CHST6: variants seen among roughly 807,000 people sequenced by gnomAD.
CHST6 encodes the protein carbohydrate sulfotransferase 6.
For missense variants in CHST6, 698 were observed against 586.2 expected, an observed-to-expected ratio of 1.19 and a Z score of -1.97; for synonymous variants, 309 against 276.4, an observed-to-expected ratio of 1.12 and a Z score of -1.17.
chr16:75,474,649 A>G lies in CHST6; in HGVS notation c.*3992T>C, dbSNP rs8063344. ...CTGGGAAGCCCAAGATCAAGGAGCC[A>G]GCATCTAGCGAGAGCCTTCTTGCTG... On this transcript the variant is annotated 3_prime_UTR_variant, in exon 3 of 3. Transcript: ENST00000332272. The G allele has an allele frequency of 0.014, 5,509 of 398,936 alleles. 224 individuals carry two copies. Among genetic ancestry groups the G allele is most frequent in the African/African-American group, 0.091 (4,426 of 48,734 alleles). The allele number at this position is 398,936 out of a possible 1,614,324, so 24.7% of individuals were successfully genotyped here.
At chr16:75,494,319 T>A (rs2080287412) in intron 1 of CHST6, among the ~76,000 whole-genome samples, 1 of 152,072 alleles carries the variant, frequency 6.6e-6, no homozygotes, top group African/African-American at 2.4e-5. Flanking sequence ...CAGCCCCAGC[T>A]CCCGGAGCAG....
chr16:75,487,060 G>A (rs964703231), intron 1 of CHST6, among the ~76,000 whole-genome samples: 1 of 152,204 alleles, frequency 6.6e-6, no homozygotes, highest in African/African-American at 2.4e-5. Flanking sequence ...CAAATGAGTA[G>A]AGGACATGAA....
intron 1 of CHST6, among the ~76,000 whole-genome samples, chr16:75,491,190 A>AAAAAAAAAAAT (rs1206595857): frequency 2.0e-5 from 1 of 50,076 alleles, no homozygotes; most frequent in Non-Finnish European, 3.0e-5. Context: ...AAAAAAAAAA[A>AAAAAAAAAAAT]ATATATATAT....
chr16:75,481,136 TGTG>T (rs2080137415), intron 2 of CHST6, among the ~76,000 whole-genome samples: 1 of 148,842 alleles, frequency 6.7e-6, no homozygotes, highest in South Asian at 2.2e-4. Context: ...GAAAGCCAGG[TGTG>T]GTGGAGTGCG....
rs1467059506 is a variant in CHST6, at chr16:75,475,564, G to A, written c.*3077C>T. The A allele has an allele frequency of 1.3e-5, 2 of 152,184 alleles. No homozygotes were observed. Among genetic ancestry groups the A allele is most frequent in the Admixed American group, 6.5e-5 (1 of 15,270 alleles). 9.4% of individuals were successfully genotyped at this position (152,184 alleles called of 1,614,324 possible). ...ACTCTCACAGAGATATAAGACATAC[G>A]TGATCAGCACAAGTATGTACCTACC... On this transcript the variant is annotated 3_prime_UTR_variant, in exon 3 of 3. Transcript: ENST00000332272.
Position 75,477,633 on chromosome 16 carries a change from C to T in CHST6, c.*1008G>A, listed in dbSNP as rs774859171. 4 of 152,332 alleles carry T rather than the reference C, an allele frequency of 2.6e-5. No individual in the cohort carries two copies. Among genetic ancestry groups the T allele is most frequent in the African/African-American group, 4.8e-5 (2 of 41,448 alleles). 9.4% of individuals were successfully genotyped at this position (152,332 alleles called of 1,614,324 possible). A position where few individuals can be genotyped will look rare whatever the true frequency, so the allele number is the denominator to read the frequency against. Reference sequence around the variant, plus strand: ...CATTTCCTGAGCTCGGGACTAAACCCTCTACACATCCAGCATTCCTTTACT... The same window carrying T: ...CATTTCCTGAGCTCGGGACTAAACCTTCTACACATCCAGCATTCCTTTACT... On this transcript the variant is annotated 3_prime_UTR_variant, in exon 3 of 3. Transcript: ENST00000332272.
chr16:75,477,063 T>C lies in CHST6; in HGVS notation c.*1578A>G, dbSNP rs1382597244. On this transcript the variant is annotated 3_prime_UTR_variant, in exon 3 of 3. Transcript: ENST00000332272. ...CCAGCCAAGTTACCCACTCTTAAGG[T>C]ATTTTGTTATAACCACCTGAACAAG... The C allele has an allele frequency of 6.6e-6, 1 of 152,198 alleles. No homozygotes were observed. Among genetic ancestry groups the C allele is most frequent in the Non-Finnish European group, 1.5e-5 (1 of 68,046 alleles). 9.4% of individuals were successfully genotyped at this position (152,198 alleles called of 1,614,324 possible).
At position 75,478,992 on chromosome 16, in the gene CHST6, C is replaced by T; in HGVS notation, c.837G>A (p.Glu279=). The part of the protein sequence containing the change: ...RLVRFEDLAR[E]PLAEIRALYA... ...AGAGCGCACGGATTTCTGCCAGCGG[C>T]TCCCGCGCCAGGTCCTCGAAGCGCA... The change falls in exon 3 of 3, where the codon GAG becomes GAA. Residue 279 remains glutamate, a synonymous_variant. Coordinates refer to ENST00000332272, the MANE Select transcript of CHST6 (RefSeq NM_021615.5). The T allele has an allele frequency of 6.2e-7, 1 of 1,612,498 alleles. No individual in the cohort carries two copies. Among genetic ancestry groups the T allele is most frequent in the Non-Finnish European group, 8.5e-7 (1 of 1,179,952 alleles).
chr16:75,478,337 G>T lies in CHST6; in HGVS notation c.*304C>A. ...TGTCACCAGAAGGAGAGAGTTAAAG[G>T]GGAAGAAAGCCCTTGAGTAGGAGCC... On this transcript the variant is annotated 3_prime_UTR_variant, in exon 3 of 3. Coordinates refer to ENST00000332272, the MANE Select transcript of CHST6 (RefSeq NM_021615.5). 2.2e-6 allele frequency: 1 copy of T among 451,886 alleles called. No homozygotes were observed. Among genetic ancestry groups the T allele is most frequent in the African/African-American group, 2.0e-5 (1 of 50,400 alleles). 28.0% of individuals were successfully genotyped at this position (451,886 alleles called of 1,614,324 possible). A position where few individuals can be genotyped will look rare whatever the true frequency, so the allele number is the denominator to read the frequency against.
intron 1 of CHST6, among the ~76,000 whole-genome samples, chr16:75,483,607 T>C (rs768788269): frequency 4.6e-5 from 7 of 152,184 alleles, no homozygotes; most frequent in Non-Finnish European, 1.0e-4. Flanking sequence ...TCTGTCTTCA[T>C]GATTAAATGC....
At chr16:75,491,649 C>T (rs895121013) in intron 1 of CHST6, among the ~76,000 whole-genome samples, 10 of 152,150 alleles carry the variant, frequency 6.6e-5, no homozygotes, top group African/African-American at 1.7e-4. Context: ...GGATTACAGG[C>T]GTGAGCCACC....
In CHST6 at chr16:75,472,848, C is replaced by G. The variant is rs1479902770; in HGVS notation, c.*5793G>C. On this transcript the variant is annotated 3_prime_UTR_variant, in exon 3 of 3. Coordinates refer to ENST00000332272, the MANE Select transcript of CHST6 (RefSeq NM_021615.5). ...GGCAACACTGTTTCTATGCACCCAT[C>G]AGCCCATCTAGTGCTTTGATTGCCC... is the stretch of plus-strand genomic sequence containing the variant. 6.6e-6 allele frequency: 1 copy of G among 152,224 alleles called. No individual in the cohort carries two copies. Among genetic ancestry groups the G allele is most frequent in the African/African-American group, 2.4e-5 (1 of 41,456 alleles). 9.4% of individuals were successfully genotyped at this position (152,224 alleles called of 1,614,324 possible). A position where few individuals can be genotyped will look rare whatever the true frequency, so the allele number is the denominator to read the frequency against.
rs181412446 is a variant in CHST6, at chr16:75,487,754, G to A, written c.-91-5863C>T. On this transcript the variant is annotated intron_variant, in intron 1 of 2. Coordinates refer to ENST00000332272, the MANE Select transcript of CHST6 (RefSeq NM_021615.5). ...GCAGAGCTTGCAGTGAGCTGAGATC[G>A]TGCCACTGCACTCCAGCCTGGGTGA... Among the ~76,000 whole-genome samples the A allele has an allele frequency of 4.2e-3, 605 of 145,606 alleles. 21 individuals carry two copies. Among genetic ancestry groups the A allele is most frequent in the Admixed American group, 0.039 (552 of 14,272 alleles).
chr16:75,492,535 G>T (rs1024240266), intron 1 of CHST6, among the ~76,000 whole-genome samples: 1 of 152,178 alleles, frequency 6.6e-6, no homozygotes, highest in East Asian at 1.9e-4. Context: ...GACAGAAAAA[G>T]GAAGAGACTA....
chr16:75,479,378 G>T lies in CHST6; in HGVS notation c.451C>A (p.Pro151Thr), dbSNP rs391326. The change falls in exon 3 of 3, where the codon CCA (proline) becomes ACA (threonine). Residue 151 changes from proline (P) to threonine (T), a missense_variant. Physicochemically the swap from Pro to Thr is conservative, Grantham distance 38 (BLOSUM62 -1). Transcript: ENST00000332272. ...GAISSEAVCK[P>T]LCARQSFTLA... ...GTGAAGGACTGCCGCGCGCACAGTG[G>T]CTTGCACACGGCCTCGCTGCTGATG... 1.1e-5 allele frequency: 17 copies of T among 1,612,684 alleles called. No homozygotes were observed. Among genetic ancestry groups the T allele is most frequent in the Non-Finnish European group, 1.4e-5 (17 of 1,179,790 alleles).
In CHST6 at chr16:75,477,657, C is replaced by G. The variant is rs886052313; in HGVS notation, c.*984G>C. ...CCTCTACACATCCAGCATTCCTTTA[C>G]TAAGCCCCTTTGCCCCCAGAGCTAG... On this transcript the variant is annotated 3_prime_UTR_variant, in exon 3 of 3. Coordinates refer to ENST00000332272, the MANE Select transcript of CHST6 (RefSeq NM_021615.5). 6.6e-6 allele frequency: 1 copy of G among 152,468 alleles called. No homozygotes were observed. Among genetic ancestry groups the G allele is most frequent in the Non-Finnish European group, 1.5e-5 (1 of 68,238 alleles). 9.4% of individuals were successfully genotyped at this position (152,468 alleles called of 1,614,324 possible). A position where few individuals can be genotyped will look rare whatever the true frequency, so the allele number is the denominator to read the frequency against.
chr16:75,481,827 G>A lies in CHST6; in HGVS notation c.-27C>T, dbSNP rs889968794. 4 of 578,396 alleles carry A rather than the reference G, an allele frequency of 6.9e-6. No homozygotes were observed. The Admixed American group carries it at 7.0e-5, about 10-fold the overall frequency. 35.8% of individuals were successfully genotyped at this position (578,396 alleles called of 1,614,324 possible). ...GCTGAGGGGACTCACCACTGTCCAG[G>A]GCTGCTGGGAGAGCTGCAACGCTGA... On this transcript the variant is annotated 5_prime_UTR_variant, in exon 2 of 3. Coordinates refer to ENST00000332272, the MANE Select transcript of CHST6 (RefSeq NM_021615.5).
chr16:75,479,654 G>A lies in CHST6; in HGVS notation c.175C>T (p.Leu59Phe), dbSNP rs766981027. The change falls in exon 3 of 3, where the codon CTC becomes TTC. Residue 59 changes from leucine to phenylalanine, a missense_variant. Transcript: ENST00000332272. ...WRSGSSFVGQ[L>F]FNQHPDVFYL... ...AAGACGTCGGGGTGCTGGTTGAAGA[G>A]TTGGCCCACGAAGGACGAGCCCGAG... 1.2e-6 allele frequency: 2 copies of A among 1,612,714 alleles called. No individual in the cohort carries two copies. The highest frequency in any genetic ancestry group is 8.5e-7 in the Non-Finnish European group (1 of 1,179,752).
At chr16:75,491,204 T>TATATAC (rs2080253011) in intron 1 of CHST6, among the ~76,000 whole-genome samples, 1 of 123,240 alleles carries the variant, frequency 8.1e-6, no homozygotes, top group Non-Finnish European at 1.6e-5. Context: ...TATATATATA[T>TATATAC]ATATATATAT....
Sources: gnomAD v4.1 joint callset for allele counts (sites outside exome capture counted in the v4.1 genomes callset) on GRCh38, gnomAD v4.1.1 for gene constraint, MANE v1.5 for transcripts, NCBI Gene and HGNC (gene_info 2026-07-23, HGNC 2026-07-21) for gene names.